The following TMC5 variants were observed in gnomAD, a reference collection of about 807,000 sequenced individuals.
TMC5 encodes the protein transmembrane channel like 5.
In TMC5, 86 loss-of-function variants were observed where a neutral mutation model predicts 110.5. That is an observed-to-expected ratio of 0.78 (90% CI 0.65 to 0.93). The LOEUF is 0.93. TMC5 is among the 40% of genes least tolerant of loss of function. The pLI is 0.00. For synonymous variants in TMC5, 455 were observed against 439.5 expected, an observed-to-expected ratio of 1.04 and a Z score of -0.44; for missense variants, 1,144 against 1,222.8, an observed-to-expected ratio of 0.94 and a Z score of 0.96.
rs573979829 is a variant in TMC5, at chr16:19,457,709, C to CTTTTTTTTTTTTTTTTTTTTTT, written c.1049-2513_1049-2492dup. Among the ~76,000 whole-genome samples, 9 of 43,926 alleles carry CTTTTTTTTTTTTTTTTTTTTTT rather than the reference C, an allele frequency of 2.0e-4. 3 individuals carry two copies. The highest frequency in any genetic ancestry group is 1.6e-3 in the South Asian group (1 of 610). The allele number at this position is 43,926 out of a possible 152,430, so 28.8% of individuals were successfully genotyped here. A position where few individuals can be genotyped will look rare whatever the true frequency, so the allele number is the denominator to read the frequency against. On this transcript the variant is annotated intron_variant, in intron 5 of 21. Coordinates refer to ENST00000542583, the MANE Select transcript of TMC5 (RefSeq NM_001261841.2). Reference sequence around the variant, plus strand: ...TCTATCTGATTCCCAAGACTACATTCTTTTTTTTTTTTTTTTTTTTTTTTT... The same window carrying CTTTTTTTTTTTTTTTTTTTTTT: ...TCTATCTGATTCCCAAGACTACATTCTTTTTTTTTTTTTTTTTTTTTTTTTTTTTTTTTTTTTTTTTTTTTTT...
chr16:19,456,386 G>C, intron 5 of TMC5: 1 of 912,364 alleles, frequency 1.1e-6, no homozygotes, highest in Non-Finnish European at 1.3e-6. Context: ...TCTTCCTTCT[G>C]TTTCTAGAAT....
chr16:19,436,429 A>G (rs1967352001), intron 2 of TMC5, among the ~76,000 whole-genome samples: 1 of 152,160 alleles, frequency 6.6e-6, no homozygotes, highest in South Asian at 2.1e-4. Flanking sequence ...GTTAGATGTA[A>G]TAGCTTTGGG....
chr16:19,433,923 C>T (rs1010661672), intron 2 of TMC5, among the ~76,000 whole-genome samples: 2 of 146,022 alleles, frequency 1.4e-5, no homozygotes, highest in South Asian at 2.1e-4. Context: ...TTGGCTCAAG[C>T]GATCCTCCCG....
intron 5 of TMC5, among the ~76,000 whole-genome samples, chr16:19,453,520 C>T (rs1426517543): frequency 3.3e-5 from 5 of 151,104 alleles, no homozygotes; most frequent in Non-Finnish European, 4.4e-5. Flanking sequence ...ACCCGGGAGG[C>T]GGAGGTTGCC....
chr16:19,442,092 T>C lies in TMC5; in HGVS notation c.788+1266T>C, dbSNP rs112746817. ...TGCTGGGATTACAGGCGTGAGCCAC[T>C]GCACCTGGCCTAAGGCCATTTTTAA... On this transcript the variant is annotated intron_variant, in intron 3 of 21. Coordinates refer to ENST00000542583, the MANE Select transcript of TMC5 (RefSeq NM_001261841.2). Among the ~76,000 whole-genome samples, 1,329 of 152,064 alleles carry C rather than the reference T, an allele frequency of 8.7e-3. 17 individuals are homozygous for C. The highest frequency in any genetic ancestry group is 0.03 in the African/African-American group (1,226 of 41,506).
At chr16:19,467,514 C>T (rs1968220996) in intron 9 of TMC5, among the ~76,000 whole-genome samples, 1 of 152,080 alleles carries the variant, frequency 6.6e-6, no homozygotes, top group Non-Finnish European at 1.5e-5. Context: ...TGGAGTCTCA[C>T]TCTGTTGCCC....
At chr16:19,456,702 A>G (rs1967881348) in intron 5 of TMC5, 1 of 1,602,114 alleles carries the variant, frequency 6.2e-7, no homozygotes, top group Admixed American at 1.7e-5. Flanking sequence ...TGCAGGAGGC[A>G]GGAGATGCTG....
chr16:19,419,402 G>GTTTTTTTTTTT lies in TMC5; in HGVS notation c.-308+1328_-308+1338dup, dbSNP rs55696911. 7.0e-4 allele frequency among the ~76,000 whole-genome samples: 46 copies of GTTTTTTTTTTT among 65,648 alleles called. 11 individuals carry two copies. The highest frequency in any genetic ancestry group is 8.9e-4 in the Non-Finnish European group (32 of 36,052). The allele number at this position is 65,648 out of a possible 152,430, so 43.1% of individuals were successfully genotyped here. On this transcript the variant is annotated intron_variant, in intron 1 of 21. Transcript: ENST00000542583. Reference sequence around the variant, plus strand: ...AAGCTCAGTGGAAATGAATGTGTTGGTTTTTTTTTTTTTTTTTTTTTTTTT... The same window carrying GTTTTTTTTTTT: ...AAGCTCAGTGGAAATGAATGTGTTGGTTTTTTTTTTTTTTTTTTTTTTTTTTTTTTTTTTTT...
chr16:19,472,281 T>A, intron 11 of TMC5, 38 bp downstream of exon 11: 4 of 1,607,558 alleles, frequency 2.5e-6, no homozygotes, highest in Non-Finnish European at 3.4e-6. Context: ...GAGAACCAGG[T>A]GAAGGGATGA....
intron 2 of TMC5, among the ~76,000 whole-genome samples, chr16:19,438,435 G>GAGAAAGAAAGAAAGAAAGAAAAGAA (rs1967403942): frequency 9.6e-6 from 1 of 103,920 alleles, no homozygotes; most frequent in Non-Finnish European, 1.8e-5. Flanking sequence ...AAGAAAGAAA[G>GAGAAAGAAAGAAAGAAAGAAAAGAA]AGAAAGAAAG....
At chr16:19,447,067 T>C (rs1452593673) in intron 4 of TMC5, among the ~76,000 whole-genome samples, 2 of 152,124 alleles carry the variant, frequency 1.3e-5, no homozygotes, top group Non-Finnish European at 2.9e-5. Context: ...AGCTAGCTAT[T>C]GCCACAGGAA....
intron 1 of TMC5, among the ~76,000 whole-genome samples, chr16:19,421,311 A>G (rs1193033436): frequency 6.6e-6 from 1 of 152,130 alleles, no homozygotes; most frequent in East Asian, 1.9e-4. Flanking sequence ...TATAGCTCCC[A>G]TAATCCCCAC....
At chr16:19,463,209 C>A in intron 6 of TMC5, 71 bp from the exon 7 acceptor site, 2 of 1,185,616 alleles carry the variant, frequency 1.7e-6, no homozygotes, top group East Asian at 2.3e-5. Context: ...CATGAGCCAC[C>A]ATGTAACTAT....
At chr16:19,464,736 C>A (rs1212826181) in intron 8 of TMC5, among the ~76,000 whole-genome samples, 1 of 151,512 alleles carries the variant, frequency 6.6e-6, no homozygotes, top group African/African-American at 2.4e-5. Flanking sequence ...CTACAAAATA[C>A]AATGTTCCTT....
At chr16:19,460,932 G>A (rs1968006362) in intron 6 of TMC5, among the ~76,000 whole-genome samples, 1 of 152,028 alleles carries the variant, frequency 6.6e-6, no homozygotes, top group Non-Finnish European at 1.5e-5. Context: ...AAGGTGGTGG[G>A]ATTAGTTGAG....
At chr16:19,419,106 C>T (rs918225966) in intron 1 of TMC5, among the ~76,000 whole-genome samples, 2 of 152,116 alleles carry the variant, frequency 1.3e-5, no homozygotes, top group Admixed American at 6.5e-5. Context: ...TCCCATTCTG[C>T]CTCTGTTTAG....
intron 1 of TMC5, among the ~76,000 whole-genome samples, chr16:19,421,716 G>A (rs1966986048): frequency 1.3e-5 from 2 of 152,202 alleles, no homozygotes; most frequent in African/African-American, 4.8e-5. Flanking sequence ...TCCCAAGCTT[G>A]ATGTCATACT....
In TMC5 at chr16:19,440,264, A is replaced by G. The variant is rs1381292074; in HGVS notation, c.226A>G (p.Arg76Gly). Residue 76 changes from arginine (R) to glycine (G), a missense_variant, in exon 3 of 22, where the codon AGA becomes GGA. Coordinates refer to ENST00000542583, the MANE Select transcript of TMC5 (RefSeq NM_001261841.2). ...GTCTCTGGCAGAACCAAATTATCCT[A>G]GATCTCTGAGTAATCCAGACTATTC... ...PGSLAEPNYPRSLSNPDYSGT... is the reference protein window; with the variant it reads ...PGSLAEPNYPGSLSNPDYSGT... 1 of 1,614,138 alleles carries G rather than the reference A, an allele frequency of 6.2e-7. No individual in the cohort carries two copies. The highest frequency in any genetic ancestry group is 1.7e-5 in the Admixed American group (1 of 60,006).
In TMC5 at chr16:19,433,265, C is replaced by G. The variant is rs1967232081; in HGVS notation, c.-80+2625C>G. ...CCATGCAGTCATGCAGGAACCCGGG[C>G]TGGTGACTGGGTCCCCTTTGGGAAT... is the stretch of plus-strand genomic sequence containing the variant. On this transcript the variant is annotated intron_variant, in intron 2 of 21. Coordinates refer to ENST00000542583, the MANE Select transcript of TMC5 (RefSeq NM_001261841.2). Among the ~76,000 whole-genome samples the G allele has an allele frequency of 2.0e-5, 3 of 152,212 alleles. No homozygotes were observed. In the South Asian group the frequency reaches 6.2e-4, roughly 32 times the overall value.
Sources: allele counts gnomAD v4.1 joint callset (sites outside exome capture counted in the v4.1 genomes callset), GRCh38; gene constraint gnomAD v4.1.1; transcripts MANE v1.5; gene names NCBI Gene and HGNC (gene_info 2026-07-23, HGNC 2026-07-21).